The following PTPRC variants were observed in gnomAD, a reference collection of about 807,000 sequenced individuals.
PTPRC encodes the protein receptor-type tyrosine-protein phosphatase C.
In PTPRC, 44 loss-of-function variants were observed where a neutral mutation model predicts 155.9. The observed-to-expected ratio is 0.28, with a 90% CI of 0.22 to 0.36. PTPRC has a LOEUF of 0.36. Among genes scored for constraint, PTPRC ranks in the 10% least tolerant of loss-of-function variants. The pLI, the probability that PTPRC is intolerant of heterozygous loss-of-function variation, is 1.00. For missense variants in PTPRC, 1,401 were observed against 1,564.6 expected (o/e 0.90, Z 1.76); for synonymous variants, 525 against 533.1 (o/e 0.98, Z 0.21).
At chr1:198,679,772 T>G (rs1665194894) in intron 2 of PTPRC, 1 of 473,406 alleles carries the variant, frequency 2.1e-6, no homozygotes, top group East Asian at 3.3e-5. Context: ...TTACCCTTCA[T>G]GTTGACCACC....
intron 15 of PTPRC, among the ~76,000 whole-genome samples, chr1:198,725,025 C>G (rs755346959): frequency 6.6e-6 from 1 of 152,120 alleles, no homozygotes; most frequent in South Asian, 2.1e-4. Flanking sequence ...TAGTCTTGAA[C>G]TCTTGATCTC....
chr1:198,721,038 A>ACAT (rs1653862169), intron 14 of PTPRC, among the ~76,000 whole-genome samples: 2 of 152,226 alleles, frequency 1.3e-5, no homozygotes, highest in Non-Finnish European at 2.9e-5. Flanking sequence ...ATATAGGTGT[A>ACAT]CATCATATTA....
chr1:198,709,939 C>T (rs1653207120), intron 11 of PTPRC, 115 bp downstream of exon 11: 8 of 1,381,804 alleles, frequency 5.8e-6, no homozygotes, highest in South Asian at 5.4e-5. Context: ...ACTTTTTAAG[C>T]ATATGCTTTT....
chr1:198,743,522 T>G (rs1462931764), intron 25 of PTPRC, among the ~76,000 whole-genome samples: 1 of 151,786 alleles, frequency 6.6e-6, no homozygotes, highest in African/African-American at 2.4e-5. Flanking sequence ...AAATACTGGA[T>G]TCAAACAAAA....
In PTPRC at chr1:198,704,452, AT is replaced by A. The variant is rs539544931; in HGVS notation, c.659-12del. 305 of 1,613,564 alleles carry A rather than the reference AT, an allele frequency of 1.9e-4. 2 individuals carry two copies. In the African/African-American group the frequency reaches 2.9e-3, roughly 15 times the overall value. On this transcript the variant is annotated intron_variant, in intron 7 of 32. Coordinates refer to ENST00000442510, the MANE Select transcript of PTPRC (RefSeq NM_002838.5). Reference sequence around the variant, plus strand: ...CTAAAGCAAAATTTTAATAATTTACATTTTTTTTCTCCATTACAGCTACTAC... The same window carrying A: ...CTAAAGCAAAATTTTAATAATTTACATTTTTTTCTCCATTACAGCTACTAC...
intron 26 of PTPRC, among the ~76,000 whole-genome samples, chr1:198,747,003 C>T (rs1232103735): frequency 6.6e-6 from 1 of 151,724 alleles, no homozygotes; most frequent in African/African-American, 2.4e-5. Flanking sequence ...TATATACACA[C>T]ACGTATCTAC....
intron 15 of PTPRC, among the ~76,000 whole-genome samples, chr1:198,723,997 A>T (rs1416733619): frequency 6.6e-6 from 1 of 152,184 alleles, no homozygotes; most frequent in African/African-American, 2.4e-5. Context: ...TCCCATGAGG[A>T]CAATAGAGTT....
chr1:198,742,178 A>G, intron 24 of PTPRC, 54 bp from the exon 25 acceptor site: 1 of 1,611,108 alleles, frequency 6.2e-7, no homozygotes, highest in East Asian at 2.2e-5. Context: ...TTGGCTTCAC[A>G]CCTGACAGCT....
chr1:198,731,275 A>G lies in PTPRC; in HGVS notation c.1865-342A>G, dbSNP rs566975187. On this transcript the variant is annotated intron_variant, in intron 17 of 32. Transcript: ENST00000442510. ...ACAAAGAAAAATAATATTGTATTAT[A>G]AATAAATAATTATAGTAATTGCTAT... Among the ~76,000 whole-genome samples the G allele has an allele frequency of 2.6e-5, 4 of 152,144 alleles. No individual in the cohort carries two copies. In the South Asian group the frequency reaches 8.3e-4, roughly 32 times the overall value.
At chr1:198,754,460 A>T in intron 32 of PTPRC, 56 bp downstream of exon 32, 1 of 1,589,990 alleles carries the variant, frequency 6.3e-7, no homozygotes, top group Middle Eastern at 1.7e-4. Flanking sequence ...TTTCTTTTTG[A>T]CGGTTTCCTT....
chr1:198,743,267 G>A (rs2102519707), intron 25 of PTPRC, among the ~76,000 whole-genome samples: 1 of 151,678 alleles, frequency 6.6e-6, no homozygotes, highest in East Asian at 2.0e-4. Context: ...AACAATGAGT[G>A]AGTAAAGCTG....
intron 2 of PTPRC, among the ~76,000 whole-genome samples, chr1:198,668,337 A>T (rs1664441707): frequency 1.3e-5 from 2 of 152,160 alleles, no homozygotes; most frequent in Admixed American, 1.3e-4. Flanking sequence ...TGCCCAGCTA[A>T]GTTATATATA....
intron 2 of PTPRC, among the ~76,000 whole-genome samples, chr1:198,649,928 G>T (rs576377397): frequency 1.1e-4 from 17 of 151,938 alleles, no homozygotes; most frequent in Middle Eastern, 3.4e-3. Flanking sequence ...AGTTTAATCT[G>T]GCCAGACCCA....
chr1:198,735,207 C>T lies in PTPRC; in HGVS notation c.2358C>T (p.His786=), dbSNP rs1367428765. Residue 786 remains histidine (H), a synonymous_variant, in exon 23 of 33, where the codon CAC becomes CAT. Transcript: ENST00000442510. ...ATGTTGTTGTAAAGATCAACCAGCA[C>T]AAAAGATGTCCAGATTACATCATTC... ...FGDVVVKINQ[H]KRCPDYIIQK... is the part of the protein sequence containing the mutation. 8.1e-6 allele frequency: 13 copies of T among 1,604,042 alleles called. No individual in the cohort carries two copies. Among genetic ancestry groups the T allele is most frequent in the South Asian group, 1.1e-5 (1 of 89,526 alleles).
chr1:198,740,651 C>G (rs1445085321), intron 23 of PTPRC, among the ~76,000 whole-genome samples: 3 of 151,614 alleles, frequency 2.0e-5, no homozygotes, highest in Admixed American at 6.6e-5. Context: ...CAAATGCGTA[C>G]AGTCAGAGAT....
intron 2 of PTPRC, among the ~76,000 whole-genome samples, chr1:198,657,033 A>C (rs1663624997): frequency 6.6e-6 from 1 of 151,068 alleles, no homozygotes; most frequent in Non-Finnish European, 1.5e-5. Flanking sequence ...TTTTTTTAAT[A>C]CATATAGTGT....
At chr1:198,744,409 C>A (rs1236968344) in intron 26 of PTPRC, among the ~76,000 whole-genome samples, 1 of 151,806 alleles carries the variant, frequency 6.6e-6, no homozygotes, top group African/African-American at 2.4e-5. Context: ...TTTCTTTAGA[C>A]CCAGAAATCT....
intron 4 of PTPRC, among the ~76,000 whole-genome samples, chr1:198,697,255 T>A (rs1350461520): frequency 6.6e-6 from 1 of 152,174 alleles, no homozygotes; most frequent in South Asian, 2.1e-4. Flanking sequence ...GTTCAGAGAT[T>A]ATCAGTTCTA....
rs1017471312 is a variant in PTPRC at position 198,750,881 on chromosome 1, C to T, written c.3207+255C>T. 2.6e-5 allele frequency among the ~76,000 whole-genome samples: 4 copies of T among 151,982 alleles called. No individual in the cohort carries two copies. In the East Asian group the frequency reaches 7.8e-4, roughly 30 times the overall value. On this transcript the variant is annotated intron_variant, in intron 29 of 32. Coordinates refer to ENST00000442510, the MANE Select transcript of PTPRC (RefSeq NM_002838.5). ...ATTAGCCAGGATGCAGCAATGTCAG[C>T]GTCACAGCAAATAACAGCTACATTT...
Sources: gnomAD v4.1 joint callset for allele counts (sites outside exome capture counted in the v4.1 genomes callset) on GRCh38, gnomAD v4.1.1 for gene constraint, MANE v1.5 for transcripts, NCBI Gene and HGNC (gene_info 2026-07-23, HGNC 2026-07-21) for gene names.